Variants in HIKESHI observed in about 807,000 individuals in gnomAD.
HIKESHI encodes the protein protein Hikeshi.
A neutral mutation model predicts 25.7 loss-of-function variants in HIKESHI; 13 were observed. That is an observed-to-expected ratio of 0.51 (90% CI 0.33 to 0.80). The LOEUF is 0.80. Ranked by LOEUF, HIKESHI falls within the 30% of genes least tolerant of loss-of-function variation. The pLI is 0.02. For missense variants in HIKESHI, 174 were observed against 229.5 expected (o/e 0.76, Z 1.56); for synonymous variants, 76 against 78.7 (o/e 0.97, Z 0.18).
intron 2 of HIKESHI, among the ~76,000 whole-genome samples, chr11:86,335,938 T>TC (rs1338709263): frequency 6.6e-6 from 1 of 152,036 alleles, no homozygotes; most frequent in Non-Finnish European, 1.5e-5. Context: ...AACAGAAACT[T>TC]CCCCCAGGGA....
chr11:86,337,830 G>A (rs973992013), intron 3 of HIKESHI, among the ~76,000 whole-genome samples: 4 of 151,756 alleles, frequency 2.6e-5, no homozygotes, highest in African/African-American at 7.3e-5. Context: ...GCTAAGTTTT[G>A]TATTTTTTTT....
At chr11:86,319,399 G>A (rs1947093921) in intron 2 of HIKESHI, among the ~76,000 whole-genome samples, 1 of 148,940 alleles carries the variant, frequency 6.7e-6, no homozygotes, top group African/African-American at 2.5e-5. Flanking sequence ...CACCACACCT[G>A]GCTAATTTGT....
intron 2 of HIKESHI, among the ~76,000 whole-genome samples, chr11:86,336,212 A>T (rs1350342890): frequency 6.6e-6 from 1 of 152,176 alleles, no homozygotes; most frequent in Non-Finnish European, 1.5e-5. Flanking sequence ...ACCCTTAGAG[A>T]CCTGTGAGAC....
At chr11:86,327,246 C>T (rs376962137) in intron 2 of HIKESHI, among the ~76,000 whole-genome samples, 14 of 151,958 alleles carry the variant, frequency 9.2e-5, no homozygotes, top group African/African-American at 3.4e-4. Context: ...TCTAGGTTTT[C>T]ATATGTATTA....
chr11:86,345,071 T>G, intron 4 of HIKESHI: 1 of 1,055,072 alleles, frequency 9.5e-7, no homozygotes. Context: ...GAATCTATTT[T>G]CCAACTTTCC....
chr11:86,303,175 G>T (rs1475880512), intron 1 of HIKESHI, among the ~76,000 whole-genome samples: 2 of 152,180 alleles, frequency 1.3e-5, no homozygotes, highest in East Asian at 1.9e-4. Flanking sequence ...AATCTGGAAG[G>T]TGAATCTTGT....
intron 2 of HIKESHI, among the ~76,000 whole-genome samples, chr11:86,331,573 G>A (rs1183879274): frequency 6.6e-6 from 1 of 152,126 alleles, no homozygotes; most frequent in Non-Finnish European, 1.5e-5. Context: ...CGCCACATTA[G>A]GGTGTAAGCT....
chr11:86,344,372 T>TCA, intron 3 of HIKESHI: 2 of 394,822 alleles, frequency 5.1e-6, no homozygotes, highest in Non-Finnish European at 4.5e-6. Flanking sequence ...CTCACTATGT[T>TCA]GCACAGGCTG....
intron 2 of HIKESHI, among the ~76,000 whole-genome samples, chr11:86,307,884 G>A (rs1227564356): frequency 1.7e-5 from 2 of 120,778 alleles, no homozygotes; most frequent in African/African-American, 6.6e-5. Flanking sequence ...TATATTATGT[G>A]TAATATACAA....
rs1946518230 is a variant in HIKESHI, at chr11:86,302,387, A to G, written c.-62A>G. The G allele has an allele frequency of 1.9e-6, 3 of 1,548,008 alleles. No individual in the cohort carries two copies. Among genetic ancestry groups the G allele is most frequent in the Non-Finnish European group, 2.6e-6 (3 of 1,144,614 alleles). On this transcript the variant is annotated 5_prime_UTR_variant, in exon 1 of 5. Transcript: ENST00000278483. ...GGTTCTTAGTCTCGACTAGGGCAGT[A>G]GCCCCAGGACTCCTAGTCGCCGGCT... is the stretch of plus-strand genomic sequence containing the variant.
At chr11:86,307,006 A>G (rs1946643783) in intron 2 of HIKESHI, among the ~76,000 whole-genome samples, 1 of 116,012 alleles carries the variant, frequency 8.6e-6, no homozygotes, top group Non-Finnish European at 1.8e-5. Flanking sequence ...TCTCAAAGAA[A>G]AAAAAAATAT....
chr11:86,309,029 T>C (rs1363176521), intron 2 of HIKESHI, among the ~76,000 whole-genome samples: 1 of 152,158 alleles, frequency 6.6e-6, no homozygotes, highest in Non-Finnish European at 1.5e-5. Context: ...ACAGTAAACA[T>C]ACACGTGCAT....
At position 86,306,436 on chromosome 11, in the gene HIKESHI, G is replaced by A. The variant is rs776858528; in HGVS notation, c.222G>A (p.Thr74=). ...TATGGCAACTCCTAGGATTTGTCAC[G>A]AATGGGAAGCCAAGTGCCATCTTCA... is the stretch of plus-strand genomic sequence containing the variant. ...MPVWQLLGFV[T]NGKPSAIFKI... Residue 74 remains threonine (T), a synonymous_variant, in exon 2 of 5, where the codon ACG becomes ACA. Transcript: ENST00000278483. 1.1e-5 allele frequency: 18 copies of A among 1,613,594 alleles called. No homozygotes were observed. The highest frequency in any genetic ancestry group is 2.7e-5 in the African/African-American group (2 of 75,028).
chr11:86,341,929 G>A (rs139972369), intron 3 of HIKESHI, among the ~76,000 whole-genome samples: 1 of 152,096 alleles, frequency 6.6e-6, no homozygotes, highest in African/African-American at 2.4e-5. Flanking sequence ...AAGATTTATC[G>A]ATGTTGATAC....
intron 2 of HIKESHI, among the ~76,000 whole-genome samples, chr11:86,313,936 T>C (rs1037146751): frequency 2.6e-5 from 4 of 152,178 alleles, no homozygotes; most frequent in Admixed American, 6.6e-5. Context: ...GAAAGCATTG[T>C]GTCCTCAGAT....
intron 3 of HIKESHI, among the ~76,000 whole-genome samples, chr11:86,339,811 A>G (rs1002405606): frequency 3.9e-5 from 6 of 152,132 alleles, no homozygotes; most frequent in African/African-American, 1.4e-4. Flanking sequence ...TTTGTTACAT[A>G]TGTATATATG....
intron 2 of HIKESHI, among the ~76,000 whole-genome samples, chr11:86,332,121 C>A (rs1313973716): frequency 6.6e-6 from 1 of 151,850 alleles, no homozygotes; most frequent in Non-Finnish European, 1.5e-5. Context: ...CCACCATGCC[C>A]AGCTAACTTA....
chr11:86,306,167 A>G (rs891287689), intron 1 of HIKESHI, 78 bp from the exon 2 acceptor site: 3 of 919,346 alleles, frequency 3.3e-6, no homozygotes, highest in East Asian at 2.4e-5. Context: ...TGCTGGTAAT[A>G]TAACTTATAA....
rs202103674 is a variant in HIKESHI at position 86,307,011 on chromosome 11, A to AT, written c.268+529_268+530insT. Among the ~76,000 whole-genome samples, 1,116 of 143,520 alleles carry AT rather than the reference A, an allele frequency of 7.8e-3. 83 individuals carry two copies. The highest frequency in any genetic ancestry group is 0.055 in the East Asian group (259 of 4,698). 94.2% of individuals were successfully genotyped at this position (143,520 alleles called of 152,430 possible). The stretch of plus-strand genomic sequence containing the variant: ...CGAGACTCTGTCTCAAAGAAAAAAA[A>AT]AATATATATATATATATAAATATAT... On this transcript the variant is annotated intron_variant, in intron 2 of 4. Coordinates refer to ENST00000278483, the MANE Select transcript of HIKESHI (RefSeq NM_016401.4).
Sources: gnomAD v4.1 joint callset for allele counts (sites outside exome capture counted in the v4.1 genomes callset) on GRCh38, gnomAD v4.1.1 for gene constraint, MANE v1.5 for transcripts, NCBI Gene and HGNC (gene_info 2026-07-23, HGNC 2026-07-21) for gene names.